KCNN2: variants seen among roughly 807,000 people sequenced by gnomAD.
The protein encoded by KCNN2 is small conductance calcium-activated potassium channel protein 2.
KCNN2 carries 24 observed loss-of-function variants against 55.5 expected under a neutral mutation model. The observed-to-expected ratio is 0.43, with a 90% CI of 0.31 to 0.61. The LOEUF is 0.61. Ranked by LOEUF, KCNN2 falls within the 20% of genes least tolerant of loss-of-function variation. KCNN2 has a pLI of 0.08. For missense variants in KCNN2, 754 were observed against 853.6 expected (o/e 0.88, Z 1.45); for synonymous variants, 431 against 336.1 (o/e 1.28, Z -3.09).
chr5:114,211,573 G>A (rs1191264094), intron 1 of KCNN2, among the ~76,000 whole-genome samples: 1 of 152,010 alleles, frequency 6.6e-6, no homozygotes, highest in Non-Finnish European at 1.5e-5. Flanking sequence ...GGAGGAGGGT[G>A]GGAGAAGGAA....
chr5:114,439,326 G>A (rs567263967), intron 3 of KCNN2, among the ~76,000 whole-genome samples: 3 of 152,120 alleles, frequency 2.0e-5, no homozygotes, highest in African/African-American at 2.4e-5. Flanking sequence ...GAAAACTGCA[G>A]TAAGAATATA....
At chr5:114,414,899 C>A (rs1016090172) in intron 3 of KCNN2, among the ~76,000 whole-genome samples, 1 of 152,134 alleles carries the variant, frequency 6.6e-6, no homozygotes, top group Non-Finnish European at 1.5e-5. Context: ...GCTATGCAAC[C>A]ATCACTACAA....
intron 2 of KCNN2, among the ~76,000 whole-genome samples, chr5:114,352,429 C>T (rs767116952): frequency 2.1e-5 from 3 of 144,388 alleles, no homozygotes; most frequent in Non-Finnish European, 4.6e-5. Flanking sequence ...TGTTAACTTC[C>T]ACTCTAGTCT....
At chr5:114,187,167 G>A (rs1431973755) in intron 1 of KCNN2, among the ~76,000 whole-genome samples, 1 of 152,110 alleles carries the variant, frequency 6.6e-6, no homozygotes, top group Non-Finnish European at 1.5e-5. Flanking sequence ...TTCTAGGTGA[G>A]AGACAGATTT....
intron 1 of KCNN2, among the ~76,000 whole-genome samples, chr5:114,074,307 T>C (rs1039537620): frequency 1.5e-5 from 2 of 135,726 alleles, no homozygotes; most frequent in Admixed American, 1.4e-4. Flanking sequence ...TGTGTGTGTG[T>C]GTGTGTGTGT....
chr5:114,143,453 G>A (rs977592947), intron 1 of KCNN2, among the ~76,000 whole-genome samples: 1 of 152,106 alleles, frequency 6.6e-6, no homozygotes, highest in Non-Finnish European at 1.5e-5. Context: ...TTCTCAGAAG[G>A]GAGTATGCCT....
intron 2 of KCNN2, among the ~76,000 whole-genome samples, chr5:114,401,184 C>A (rs988051282): frequency 6.6e-6 from 1 of 151,962 alleles, no homozygotes; most frequent in South Asian, 2.1e-4. Context: ...TCCTCAATTT[C>A]AGCATTAAAA....
intron 1 of KCNN2, 68 bp from the exon 2 acceptor site, chr5:114,363,838 T>C (rs1757524693): frequency 7.2e-6 from 8 of 1,117,930 alleles, no homozygotes; most frequent in South Asian, 2.6e-5. Context: ...ACTGACTGAC[T>C]CTGGGGACGT....
chr5:114,337,849 T>C (rs1361446706), intron 2 of KCNN2, among the ~76,000 whole-genome samples: 1 of 152,208 alleles, frequency 6.6e-6, no homozygotes, highest in Non-Finnish European at 1.5e-5. Context: ...ATCTCACATA[T>C]TAAAAGTTTT....
intron 1 of KCNN2, among the ~76,000 whole-genome samples, chr5:114,092,150 G>A (rs1751158073): frequency 6.6e-6 from 1 of 152,224 alleles, no homozygotes; most frequent in African/African-American, 2.4e-5. Flanking sequence ...ATATAATTGA[G>A]CGGGGGTGGG....
chr5:114,097,290 A>G (rs1751277998), intron 1 of KCNN2, among the ~76,000 whole-genome samples: 1 of 152,276 alleles, frequency 6.6e-6, no homozygotes, highest in Admixed American at 6.5e-5. Flanking sequence ...AGTCAATTTC[A>G]TTTTGTTCGG....
chr5:114,340,730 A>C (rs257467), intron 2 of KCNN2, among the ~76,000 whole-genome samples: 5 of 151,730 alleles, frequency 3.3e-5, no homozygotes, highest in Non-Finnish European at 5.9e-5. Context: ...AGCAAACTTC[A>C]AGTACACTAT....
At chr5:114,263,569 T>G (rs995447694) in intron 2 of KCNN2, among the ~76,000 whole-genome samples, 13 of 152,186 alleles carry the variant, frequency 8.5e-5, no homozygotes, top group Non-Finnish European at 1.8e-4. Flanking sequence ...GTTTTGAATC[T>G]GGCTCTTGCT....
At chr5:114,197,262 G>T (rs1753576701) in intron 1 of KCNN2, among the ~76,000 whole-genome samples, 1 of 152,236 alleles carries the variant, frequency 6.6e-6, no homozygotes, top group Middle Eastern at 3.4e-3. Flanking sequence ...TGGCTTTCCT[G>T]AGAATGTTCC....
chr5:114,066,106 T>C (rs1473729815), intron 1 of KCNN2, among the ~76,000 whole-genome samples: 1 of 152,108 alleles, frequency 6.6e-6, no homozygotes, highest in Non-Finnish European at 1.5e-5. Context: ...AAAAAGTTGT[T>C]TGCATTGGTT....
At chr5:114,285,739 G>A (rs1240327752) in intron 2 of KCNN2, among the ~76,000 whole-genome samples, 1 of 152,134 alleles carries the variant, frequency 6.6e-6, no homozygotes, top group African/African-American at 2.4e-5. Flanking sequence ...GCTTTAAACT[G>A]CTACTGTAGA....
intron 1 of KCNN2, among the ~76,000 whole-genome samples, chr5:114,061,296 C>A (rs915506914): frequency 6.6e-6 from 1 of 152,190 alleles, no homozygotes; most frequent in Non-Finnish European, 1.5e-5. Flanking sequence ...TCCCCACCCC[C>A]ACTACTGCTG....
intron 2 of KCNN2, among the ~76,000 whole-genome samples, chr5:114,349,096 C>A (rs1485447276): frequency 6.6e-6 from 1 of 152,058 alleles, no homozygotes; most frequent in Non-Finnish European, 1.5e-5. Context: ...CCAAGACAAC[C>A]AATTTTGTAA....
At chr5:114,147,282 G>C (rs1752418695) in intron 1 of KCNN2, among the ~76,000 whole-genome samples, 1 of 114,568 alleles carries the variant, frequency 8.7e-6, no homozygotes. Context: ...AATAGTGCCA[G>C]TGAAGTCAGC....
Sources: gnomAD v4.1 joint callset for allele counts (sites outside exome capture counted in the v4.1 genomes callset) on GRCh38, gnomAD v4.1.1 for gene constraint, MANE v1.5 for transcripts, NCBI Gene and HGNC (gene_info 2026-07-23, HGNC 2026-07-21) for gene names.